Variants in SDK2 observed in about 807,000 individuals in gnomAD.
SDK2 encodes the protein sidekick cell adhesion molecule 2.
A neutral mutation model predicts 253.9 loss-of-function variants in SDK2; 105 were observed. The observed-to-expected ratio is 0.41, with a 90% CI of 0.35 to 0.49. The LOEUF (loss-of-function observed/expected upper bound fraction) is 0.49, where lower values mean the gene tolerates loss of function less well. SDK2 is among the 20% of genes least tolerant of loss of function. SDK2 has a pLI of 0.06. For missense variants in SDK2, 2,608 were observed against 3,003.0 expected (o/e 0.87, Z 3.07); for synonymous variants, 1,249 against 1,234.9 (o/e 1.01, Z -0.24).
intron 1 of SDK2, among the ~76,000 whole-genome samples, chr17:73,545,036 T>C (rs909161819): frequency 7.7e-6 from 1 of 129,540 alleles, no homozygotes; most frequent in Non-Finnish European, 1.7e-5. Context: ...CCTGTTGCAT[T>C]TTAAAGATTT....
chr17:73,516,646 G>A (rs2064031403), intron 1 of SDK2: 1 of 152,332 alleles, frequency 6.6e-6, no homozygotes. Context: ...TGCATGCCAA[G>A]CGCTTCATTA....
At chr17:73,461,937 A>G (rs919001577) in intron 3 of SDK2, among the ~76,000 whole-genome samples, 1 of 149,686 alleles carries the variant, frequency 6.7e-6, no homozygotes, top group South Asian at 2.1e-4. Context: ...GGATGGTTGT[A>G]TGTATGTTTA....
At chr17:73,536,142 A>G (rs2044768615) in intron 1 of SDK2, among the ~76,000 whole-genome samples, 1 of 152,168 alleles carries the variant, frequency 6.6e-6, no homozygotes, top group South Asian at 2.1e-4. Flanking sequence ...TTGTTAGACC[A>G]CAGAGGTGCA....
Position 73,361,906 on chromosome 17 carries a change from T to C in SDK2, c.5306-61A>G, listed in dbSNP as rs11657033. 0.75 allele frequency: 1,117,013 copies of C among 1,488,884 alleles called. 421,876 individuals carry two copies. The highest frequency in any genetic ancestry group is 0.99 in the East Asian group (39,597 of 40,086). 92.2% of individuals were successfully genotyped at this position (1,488,884 alleles called of 1,614,324 possible). A position where few individuals can be genotyped will look rare whatever the true frequency, so the allele number is the denominator to read the frequency against. ...GGCCCACCGAGGGCACTGGAGGCCA[T>C]GGGGAAGGGGAAGCGGCCGTGGCCT... On this transcript the variant is annotated intron_variant, in intron 38 of 44. Coordinates refer to ENST00000392650, the MANE Select transcript of SDK2 (RefSeq NM_001144952.2). The surrounding 1 kb of genome is among the most constrained non-coding windows in gnomAD (Gnocchi z 4.1).
At chr17:73,433,524 G>C (rs968099618) in intron 10 of SDK2, among the ~76,000 whole-genome samples, 1 of 152,094 alleles carries the variant, frequency 6.6e-6, no homozygotes, top group African/African-American at 2.4e-5. Context: ...CTGACCTCAG[G>C]GTGATCTGCC....
At position 73,447,821 on chromosome 17, in the gene SDK2, C is replaced by A; in HGVS notation, c.480-73G>T. The A allele has an allele frequency of 6.5e-7, 1 of 1,529,366 alleles. No homozygotes were observed. Among genetic ancestry groups the A allele is most frequent in the East Asian group, 2.5e-5 (1 of 40,648 alleles). 94.7% of individuals were successfully genotyped at this position (1,529,366 alleles called of 1,614,324 possible). ...AACCTCCAGGGAGTGGGAGTGGAAA[C>A]CCTAAGGGGGAAGCCCGACCATATC... On this transcript the variant is annotated intron_variant, in intron 4 of 44. Transcript: ENST00000392650. The surrounding 1 kb of genome is among the most constrained non-coding windows in gnomAD (Gnocchi z 4.0).
chr17:73,406,938 C>G (rs8081279), intron 18 of SDK2, among the ~76,000 whole-genome samples: 144,843 of 152,286 alleles, frequency 0.95, 69,027 homozygotes, highest in Non-Finnish European at 0.99. Context: ...TATTCTGAAA[C>G]TGTTGTGTGT....
chr17:73,397,869 CG>C (rs966115704), intron 24 of SDK2, among the ~76,000 whole-genome samples, 165 bp downstream of exon 24: 40 of 152,040 alleles, frequency 2.6e-4, no homozygotes, highest in Non-Finnish European at 4.9e-4. Context: ...CATCGGCGGG[CG>C]GGGGGGCATT....
chr17:73,638,993 A>C (rs2046365374), intron 1 of SDK2, among the ~76,000 whole-genome samples: 1 of 152,050 alleles, frequency 6.6e-6, no homozygotes, highest in South Asian at 2.1e-4. Flanking sequence ...CATTTTTAAT[A>C]GAGATGGGGT....
Position 73,643,889 on chromosome 17 carries a change from A to C in SDK2, c.64+136T>G. ...AAACTTGGGAGATGGGGTGTCTTGA[A>C]ACTCCCTGGAGAGGGCTCTGCCACG... is the stretch of plus-strand genomic sequence containing the variant. On this transcript the variant is annotated intron_variant, in intron 1 of 44. Transcript: ENST00000392650. This position sits in a 1 kb window ranked among gnomAD's most constrained non-coding sequence, Gnocchi z 6.9. 1.4e-6 allele frequency: 1 copy of C among 730,740 alleles called. No individual in the cohort carries two copies. The highest frequency in any genetic ancestry group is 2.3e-6 in the Non-Finnish European group (1 of 442,508). 45.3% of individuals were successfully genotyped at this position (730,740 alleles called of 1,614,324 possible). A position where few individuals can be genotyped will look rare whatever the true frequency, so the allele number is the denominator to read the frequency against.
intron 18 of SDK2, among the ~76,000 whole-genome samples, chr17:73,404,785 G>A (rs1163898817): frequency 6.6e-6 from 1 of 152,190 alleles, no homozygotes; most frequent in African/African-American, 2.4e-5. Flanking sequence ...GAAGGCTCGG[G>A]TGTGTTCTGG....
chr17:73,488,592 C>CT (rs35545969), intron 2 of SDK2, among the ~76,000 whole-genome samples: 2,158 of 143,424 alleles, frequency 0.015, 45 homozygotes, highest in African/African-American at 0.047. Context: ...GGTGTTGCAA[C>CT]TTTTTTTTTT....
intron 12 of SDK2, among the ~76,000 whole-genome samples, chr17:73,424,824 AC>A (rs1259141796): frequency 1.3e-5 from 2 of 152,218 alleles, no homozygotes; most frequent in African/African-American, 4.8e-5. Context: ...CAGCTGGGGT[AC>A]AGGGTGGGGG....
Position 73,423,418 on chromosome 17 carries a change from AG to A in SDK2, c.1864del (p.Leu622Ter). On this transcript the variant is annotated frameshift_variant, in exon 14 of 45. Transcript: ENST00000392650. LOFTEE classifies it high-confidence loss of function. Reference protein sequence around the residue: ...WTKPFDGNSPLIRYILEMSEN... With the variant: ...WTKPFDGNSPXIRYILEMSEN... ...CGACATCTCCAGAATGTAGCGGATCAGGGGGCTGTTGCCATCAAAGGGCTTG... is the reference window on the plus strand; with the variant it reads ...CGACATCTCCAGAATGTAGCGGATCAGGGGCTGTTGCCATCAAAGGGCTTG... 1.3e-6 allele frequency: 2 copies of A among 1,562,848 alleles called. No homozygotes were observed. The highest frequency in any genetic ancestry group is 1.7e-6 in the Non-Finnish European group (2 of 1,152,190).
chr17:73,355,600 A>C (rs4246437), intron 40 of SDK2, among the ~76,000 whole-genome samples: 137,845 of 152,084 alleles, frequency 0.91, 63,484 homozygotes, highest in Non-Finnish European at 0.98. Flanking sequence ...CCTGCCTTGG[A>C]CTCCCAAAGT....
chr17:73,354,144 C>T (rs545325064), intron 40 of SDK2, among the ~76,000 whole-genome samples: 3 of 152,038 alleles, frequency 2.0e-5, no homozygotes, highest in East Asian at 1.9e-4. Context: ...TGGGCTCAAG[C>T]GATCCTCACA....
In SDK2 at chr17:73,368,731, C is replaced by T. The variant is rs933214854; in HGVS notation, c.4981-138G>A. The T allele has an allele frequency of 4.5e-5, 33 of 740,292 alleles. No individual in the cohort carries two copies. In the South Asian group the frequency reaches 4.9e-4, roughly 11 times the overall value. The allele number at this position is 740,292 out of a possible 1,614,324, so 45.9% of individuals were successfully genotyped here. A position where few individuals can be genotyped will look rare whatever the true frequency, so the allele number is the denominator to read the frequency against. ...AACAGCGGAGAAGTCTTTAAGAGGC[C>T]GGGTGCGGTGGCTCACACCTGTAAT... On this transcript the variant is annotated intron_variant, in intron 36 of 44. Transcript: ENST00000392650.
In SDK2 at chr17:73,467,143, A is replaced by AC. The variant is rs2063607299; in HGVS notation, c.331+4968dup. Among the ~76,000 whole-genome samples the AC allele has an allele frequency of 6.6e-6, 1 of 151,598 alleles. No individual in the cohort carries two copies. Among genetic ancestry groups the AC allele is most frequent in the Non-Finnish European group, 1.5e-5 (1 of 67,930 alleles). ...ACTAGACATTCACCCTAGGTGGGAGACCCTGTGCATTTGCAGAGCTGTTTG... is the reference window on the plus strand; with the variant it reads ...ACTAGACATTCACCCTAGGTGGGAGACCCCTGTGCATTTGCAGAGCTGTTTG... On this transcript the variant is annotated intron_variant, in intron 3 of 44. Transcript: ENST00000392650. This position sits in a 1 kb window ranked among gnomAD's most constrained non-coding sequence, Gnocchi z 4.1.
In SDK2 at chr17:73,352,388, G is replaced by A; in HGVS notation, c.5758+85C>T. ...CGCCCCATGCTCCTGGTGCCCTGGT[G>A]CCTCTCCTCCTTCCGCCCTGCCCAG... On this transcript the variant is annotated intron_variant, in intron 41 of 44. Coordinates refer to ENST00000392650, the MANE Select transcript of SDK2 (RefSeq NM_001144952.2). The surrounding 1 kb of genome is among the most constrained non-coding windows in gnomAD (Gnocchi z 4.1). The A allele has an allele frequency of 6.8e-7, 1 of 1,478,680 alleles. No homozygotes were observed. Among genetic ancestry groups the A allele is most frequent in the Non-Finnish European group, 9.1e-7 (1 of 1,097,916 alleles). 91.6% of individuals were successfully genotyped at this position (1,478,680 alleles called of 1,614,324 possible). A position where few individuals can be genotyped will look rare whatever the true frequency, so the allele number is the denominator to read the frequency against.
Sources: gnomAD v4.1 joint callset for allele counts (sites outside exome capture counted in the v4.1 genomes callset) on GRCh38, gnomAD v4.1.1 for gene constraint, Gnocchi (gnomAD v3.1) non-coding constraint, MANE v1.5 for transcripts, NCBI Gene and HGNC (gene_info 2026-07-23, HGNC 2026-07-21) for gene names.